ADGRL3: variants seen among roughly 807,000 people sequenced by gnomAD.
The protein encoded by ADGRL3 is calcium-independent alpha-latrotoxin receptor 3.
Under a neutral mutation model 153.5 loss-of-function variants are expected in ADGRL3, and 62 were observed. The observed-to-expected ratio is 0.40, with a 90% confidence interval of 0.33 to 0.50. The LOEUF is 0.50. Ranked by LOEUF, ADGRL3 falls within the 20% of genes least tolerant of loss-of-function variation. The pLI is 0.47. For synonymous variants in ADGRL3, 710 were observed against 672.5 expected, an observed-to-expected ratio of 1.06 and a Z score of -0.86; for missense variants, 1,641 against 1,859.4, an observed-to-expected ratio of 0.88 and a Z score of 2.16.
intron 1 of ADGRL3, among the ~76,000 whole-genome samples, chr4:61,296,662 A>C (rs770614374): frequency 3.3e-5 from 5 of 152,124 alleles, no homozygotes; most frequent in Non-Finnish European, 5.9e-5. Context: ...AGAAAATGTA[A>C]ATAGCAAAAG....
intron 3 of ADGRL3, 64 bp downstream of exon 3, chr4:61,497,412 C>T: frequency 9.9e-7 from 1 of 1,012,862 alleles, no homozygotes. Flanking sequence ...CTGGACACTT[C>T]CTTGGGATCT....
At chr4:61,915,816 A>G (rs2098742636) in intron 13 of ADGRL3, among the ~76,000 whole-genome samples, 1 of 152,160 alleles carries the variant, frequency 6.6e-6, no homozygotes, top group African/African-American at 2.4e-5. Flanking sequence ...TTTTCAGAGT[A>G]CATTCAGAGC....
At chr4:62,035,968 C>T (rs532696282) in intron 23 of ADGRL3, among the ~76,000 whole-genome samples, 18 of 152,198 alleles carry the variant, frequency 1.2e-4, no homozygotes, top group Middle Eastern at 3.4e-3. Context: ...GAAGTTTCTT[C>T]TTTTCACCCT....
At chr4:61,230,027 C>G (rs1018271040) in intron 1 of ADGRL3, among the ~76,000 whole-genome samples, 9 of 151,984 alleles carry the variant, frequency 5.9e-5, no homozygotes, top group African/African-American at 2.2e-4. Context: ...CATAAGTACT[C>G]AAAAATGTCT....
At chr4:61,533,823 G>A (rs1482330525) in intron 4 of ADGRL3, among the ~76,000 whole-genome samples, 1 of 152,072 alleles carries the variant, frequency 6.6e-6, no homozygotes, top group African/African-American at 2.4e-5. Context: ...TAAAAAATAT[G>A]CAAATTAATA....
intron 4 of ADGRL3, among the ~76,000 whole-genome samples, chr4:61,518,852 T>A (rs2098513659): frequency 6.6e-6 from 1 of 152,234 alleles, no homozygotes; most frequent in African/African-American, 2.4e-5. Context: ...TTCCTATTTT[T>A]CCCTTTCTGT....
intron 5 of ADGRL3, among the ~76,000 whole-genome samples, chr4:61,645,834 C>G (rs1026331173): frequency 6.6e-6 from 1 of 152,110 alleles, no homozygotes; most frequent in Non-Finnish European, 1.5e-5. Flanking sequence ...TGTTGGCCTG[C>G]GTTGCTAGAA....
intron 4 of ADGRL3, among the ~76,000 whole-genome samples, chr4:61,573,042 C>T (rs2098845360): frequency 1.3e-5 from 2 of 151,908 alleles, no homozygotes; most frequent in Non-Finnish European, 1.5e-5. Flanking sequence ...TTAGGACCTA[C>T]ATAACAGTTA....
intron 1 of ADGRL3, among the ~76,000 whole-genome samples, chr4:61,203,141 T>C (rs1735589514): frequency 6.6e-6 from 1 of 152,138 alleles, no homozygotes; most frequent in African/African-American, 2.4e-5. Context: ...CTCCAGCAGG[T>C]TGAAGTAATC....
rs913976899 is a variant in ADGRL3, at chr4:61,750,948, A to G, written c.1399+17394A>G. ...CCTCCGTAGCGGTCTGTGGCCTGTT[A>G]GGAGCAGGGCCATACAGCAGAAGTT... is the stretch of plus-strand genomic sequence containing the variant. On this transcript the variant is annotated intron_variant, in intron 8 of 26. Transcript: ENST00000683033. 5.9e-5 allele frequency among the ~76,000 whole-genome samples: 9 copies of G among 152,172 alleles called. No homozygotes were observed. In the East Asian group the frequency reaches 1.7e-3, roughly 29 times the overall value.
chr4:61,616,445 C>G (rs1384878476), intron 5 of ADGRL3, among the ~76,000 whole-genome samples: 1 of 152,098 alleles, frequency 6.6e-6, no homozygotes, highest in East Asian at 1.9e-4. Context: ...GAGAAAGGAA[C>G]CTGAATGTTG....
intron 6 of ADGRL3, among the ~76,000 whole-genome samples, chr4:61,708,721 G>C (rs1334728915): frequency 1.3e-5 from 2 of 151,810 alleles, no homozygotes; most frequent in South Asian, 2.1e-4. Flanking sequence ...TATTTATACG[G>C]GTTTTTTCAG....
intron 6 of ADGRL3, among the ~76,000 whole-genome samples, chr4:61,718,561 A>G (rs1452904113): frequency 6.6e-6 from 1 of 152,212 alleles, no homozygotes; most frequent in Non-Finnish European, 1.5e-5. Flanking sequence ...AAGATGTACT[A>G]AGATTTATAT....
intron 1 of ADGRL3, among the ~76,000 whole-genome samples, chr4:61,314,986 T>A (rs1291730105): frequency 1.3e-5 from 2 of 152,254 alleles, no homozygotes; most frequent in Non-Finnish European, 2.9e-5. Flanking sequence ...ATAACTGCTA[T>A]AATTGGAAAT....
At chr4:61,648,091 G>A (rs564492746) in intron 5 of ADGRL3, among the ~76,000 whole-genome samples, 2 of 152,064 alleles carry the variant, frequency 1.3e-5, no homozygotes, top group African/African-American at 2.4e-5. Context: ...GAACTGACAT[G>A]TATTTAAATA....
At chr4:61,561,367 C>T (rs1173674871) in intron 4 of ADGRL3, among the ~76,000 whole-genome samples, 2 of 152,124 alleles carry the variant, frequency 1.3e-5, no homozygotes, top group East Asian at 3.9e-4. Context: ...GATTTAATTG[C>T]TTCAAACTAC....
At chr4:61,831,621 G>A (rs908698204) in intron 9 of ADGRL3, among the ~76,000 whole-genome samples, 2 of 152,098 alleles carry the variant, frequency 1.3e-5, no homozygotes, top group South Asian at 2.1e-4. Context: ...GACACTAGTC[G>A]TCAATAGATA....
chr4:61,587,319 G>A lies in ADGRL3; in HGVS notation c.352G>A (p.Val118Ile), dbSNP rs547873129. The A allele has an allele frequency of 5.0e-6, 8 of 1,612,030 alleles. No homozygotes were observed. Among genetic ancestry groups the A allele is most frequent in the African/African-American group, 4.0e-5 (3 of 74,956 alleles). ...PIELRCPGTD[V>I]IMIESANYGR... ...AGAGCTTCGCTGTCCAGGAACAGAC[G>A]TCATCATGATAGAAAGTGCCAACTA... Residue 118 changes from valine (V) to isoleucine (I), a missense_variant, in exon 5 of 27, where the codon GTC becomes ATC. This residue lies in a region of ADGRL3 where 213 missense variants were observed against 362.1 expected (regional missense o/e 0.59). Transcript: ENST00000683033.
At chr4:61,694,179 ATTTTTTTTTTTTTTTTTTTT>A (rs554084495) in intron 6 of ADGRL3, among the ~76,000 whole-genome samples, 14 of 26,710 alleles carry the variant, frequency 5.2e-4, no homozygotes, top group East Asian at 2.0e-3. Flanking sequence ...TTTTGTCATT[ATTTTTTTTTTTTTTTTTTTT>A]TTTTTTTTTT....
Sources: allele counts gnomAD v4.1 joint callset (sites outside exome capture counted in the v4.1 genomes callset), GRCh38; gene constraint gnomAD v4.1.1; regional missense constraint gnomAD v4.1.1; transcripts MANE v1.5; gene names NCBI Gene and HGNC (gene_info 2026-07-23, HGNC 2026-07-21).